The following MDFIC2 variants were observed in gnomAD, a reference collection of about 807,000 sequenced individuals.
The protein encoded by MDFIC2 is myoD family inhibitor domain-containing protein 2.
At chr3:70,222,828 T>C (rs144452381) in intron 2 of MDFIC2, among the ~76,000 whole-genome samples, 22 of 152,160 alleles carry the variant, frequency 1.4e-4, no homozygotes, top group Non-Finnish European at 3.1e-4. Flanking sequence ...CCATAAGTCA[T>C]TAGAAGATAC....
intron 2 of MDFIC2, among the ~76,000 whole-genome samples, chr3:70,237,617 T>TC (rs1410006225): frequency 6.6e-6 from 1 of 152,220 alleles, no homozygotes; most frequent in African/African-American, 2.4e-5. Flanking sequence ...AAACCTAGTG[T>TC]CCTACATATA....
chr3:70,278,646 A>C (rs1258528013), intron 2 of MDFIC2, among the ~76,000 whole-genome samples: 1 of 152,132 alleles, frequency 6.6e-6, no homozygotes, highest in East Asian at 1.9e-4. Context: ...GCTCTAGAAT[A>C]TGTCTTTTAT....
At chr3:70,282,893 A>T (rs901763284) in intron 2 of MDFIC2, among the ~76,000 whole-genome samples, 1 of 152,170 alleles carries the variant, frequency 6.6e-6, no homozygotes, top group Non-Finnish European at 1.5e-5. Flanking sequence ...ATCTGCCAAC[A>T]TTCTCTCCCC....
At position 70,283,023 on chromosome 3, in the gene MDFIC2, C is replaced by T. The variant is rs115025305; in HGVS notation, c.88+28863G>A. ...AGGAGACTGAAAAAACAGTTGATTA[C>T]ATCTCAATCACAAGACGTTGAGGCT... On this transcript the variant is annotated intron_variant, in intron 2 of 3. Coordinates refer to ENST00000567252, the MANE Select transcript of MDFIC2 (RefSeq NM_001364677.1). 4.8e-3 allele frequency among the ~76,000 whole-genome samples: 730 copies of T among 152,272 alleles called. 2 individuals carry two copies. The highest frequency in any genetic ancestry group is 8.4e-3 in the Non-Finnish European group (573 of 68,010).
intron 2 of MDFIC2, among the ~76,000 whole-genome samples, chr3:70,262,865 G>T (rs905035982): frequency 3.3e-5 from 5 of 152,070 alleles, no homozygotes; most frequent in African/African-American, 7.2e-5. Flanking sequence ...GGTCAATAAG[G>T]TTGGGTTTTA....
intron 2 of MDFIC2, among the ~76,000 whole-genome samples, chr3:70,292,943 A>T (rs1039704754): frequency 6.6e-6 from 1 of 151,816 alleles, no homozygotes; most frequent in Non-Finnish European, 1.5e-5. Context: ...AAAAACATAC[A>T]TACAATTAAT....
intron 2 of MDFIC2, among the ~76,000 whole-genome samples, chr3:70,252,317 C>A (rs1044955790): frequency 7.9e-5 from 12 of 152,062 alleles, no homozygotes; most frequent in African/African-American, 2.7e-4. Flanking sequence ...TATGGTGTGG[C>A]GTACAATTCT....
At chr3:70,278,999 C>T (rs551212865) in intron 2 of MDFIC2, among the ~76,000 whole-genome samples, 4 of 151,046 alleles carry the variant, frequency 2.6e-5, no homozygotes, top group African/African-American at 7.3e-5. Flanking sequence ...TGAGAAAATC[C>T]GTCTATATGT....
In MDFIC2 at chr3:70,294,160, A is replaced by G. The variant is rs147462641; in HGVS notation, c.88+17726T>C. Among the ~76,000 whole-genome samples, 206 of 152,316 alleles carry G rather than the reference A, an allele frequency of 1.4e-3. 3 individuals carry two copies. The highest frequency in any genetic ancestry group is 8.1e-4 in the Non-Finnish European group (55 of 68,014). ...TTGTTCAAAATAATACTACCCTAGC[A>G]TTTAAAAACTAGTGTATAGAAATTT... is the stretch of plus-strand genomic sequence containing the variant. On this transcript the variant is annotated intron_variant, in intron 2 of 3. Transcript: ENST00000567252.
chr3:70,297,979 A>T (rs1288934340), intron 2 of MDFIC2, among the ~76,000 whole-genome samples: 1 of 145,960 alleles, frequency 6.9e-6, no homozygotes, highest in African/African-American at 2.4e-5. Flanking sequence ...TTAAATAATC[A>T]GGGGAGAAAT....
At chr3:70,251,281 G>A (rs1419910282) in intron 2 of MDFIC2, among the ~76,000 whole-genome samples, 8 of 152,134 alleles carry the variant, frequency 5.3e-5, no homozygotes, top group Non-Finnish European at 5.9e-5. Flanking sequence ...TGAGTTCTTA[G>A]AACTCAATGT....
intron 2 of MDFIC2, among the ~76,000 whole-genome samples, chr3:70,230,594 T>C (rs1316529589): frequency 1.3e-5 from 2 of 152,200 alleles, no homozygotes; most frequent in Non-Finnish European, 1.5e-5. Context: ...TGTCTACTTA[T>C]TGTTTATTAT....
chr3:70,228,453 G>A (rs1257163846), intron 2 of MDFIC2, among the ~76,000 whole-genome samples: 1 of 151,970 alleles, frequency 6.6e-6, no homozygotes, highest in Non-Finnish European at 1.5e-5. Flanking sequence ...CACTGATAGA[G>A]ATTCAGAAAT....
chr3:70,277,565 A>T (rs1243575482), intron 2 of MDFIC2, among the ~76,000 whole-genome samples: 1 of 152,218 alleles, frequency 6.6e-6, no homozygotes, highest in Non-Finnish European at 1.5e-5. Context: ...TGCTGTCATA[A>T]GTGGAAAATT....
At chr3:70,278,969 G>A (rs1357270) in intron 2 of MDFIC2, among the ~76,000 whole-genome samples, 8,891 of 151,310 alleles carry the variant, frequency 0.059, 330 homozygotes, top group Non-Finnish European at 0.077. Context: ...GGGTGGTCAA[G>A]GAAAACAGTG....
intron 2 of MDFIC2, among the ~76,000 whole-genome samples, chr3:70,226,065 TA>T (rs1330350811): frequency 1.3e-5 from 2 of 151,910 alleles, no homozygotes; most frequent in African/African-American, 2.4e-5. Flanking sequence ...AACATTCACT[TA>T]AAAAAAATAA....
intron 2 of MDFIC2, among the ~76,000 whole-genome samples, chr3:70,227,270 C>T (rs1177334350): frequency 6.6e-6 from 1 of 152,190 alleles, no homozygotes; most frequent in Non-Finnish European, 1.5e-5. Flanking sequence ...AATCTCTAAA[C>T]CTATTATAGT....
chr3:70,283,767 T>C (rs1266808536), intron 2 of MDFIC2: 2 of 143,328 alleles, frequency 1.4e-5, no homozygotes, highest in Non-Finnish European at 3.0e-5. Flanking sequence ...GTAATGCTTA[T>C]TTTTTGTAAA....
At chr3:70,223,245 A>G (rs1455406564) in intron 2 of MDFIC2, among the ~76,000 whole-genome samples, 1 of 152,124 alleles carries the variant, frequency 6.6e-6, no homozygotes, top group Non-Finnish European at 1.5e-5. Flanking sequence ...CCACAAAGCA[A>G]TCGAAACTCA....
Sources: allele counts gnomAD v4.1 joint callset (sites outside exome capture counted in the v4.1 genomes callset), GRCh38; gene constraint gnomAD v4.1.1; transcripts MANE v1.5; gene names NCBI Gene and HGNC (gene_info 2026-07-23, HGNC 2026-07-21).